The following OTC variants were observed in gnomAD, a reference collection of about 807,000 sequenced individuals.
The protein encoded by OTC is ornithine transcarbamylase.
In OTC, 3 loss-of-function variants were observed where a neutral mutation model predicts 30.3. That is an observed-to-expected ratio of 0.10 (90% CI 0.05 to 0.26). The LOEUF is 0.26. Ranked by LOEUF, OTC falls within the 10% of genes least tolerant of loss-of-function variation. The pLI is 1.00. For synonymous variants in OTC, 111 were observed against 99.7 expected (o/e 1.11, Z -0.67); for missense variants, 194 against 260.3 (o/e 0.75, Z 1.75).
chrX:38,371,620 G>T (rs926647124), intron 3 of OTC, among the ~76,000 whole-genome samples: 2 of 111,987 alleles, frequency 1.8e-5, no homozygotes, highest in Non-Finnish European at 3.8e-5. Flanking sequence ...GGGGGATTAA[G>T]CGACTTGCCA....
At chrX:38,420,245 A>G (rs1487733337) in intron 9 of OTC, among the ~76,000 whole-genome samples, 1 of 111,368 alleles carries the variant, frequency 9.0e-6, no homozygotes, top group East Asian at 2.8e-4. Flanking sequence ...CCTCAACTAT[A>G]AATGATAATA....
chrX:38,343,944 C>T, the OTC span, among the ~76,000 whole-genome samples: 1 of 111,406 alleles, frequency 9.0e-6, no homozygotes, highest in Non-Finnish European at 1.9e-5. Context: ...CCCTAGGGCC[C>T]ACCTGTTTGA....
chrX:38,391,586 A>G (rs1201553364), intron 4 of OTC, among the ~76,000 whole-genome samples: 1 of 111,436 alleles, frequency 9.0e-6, no homozygotes, highest in Non-Finnish European at 1.9e-5. Flanking sequence ...AACTCATTGG[A>G]TGCTAATACA....
At chrX:38,338,193 A>G in the OTC span, among the ~76,000 whole-genome samples, 1 of 112,239 alleles carries the variant, frequency 8.9e-6, no homozygotes, top group Non-Finnish European at 1.9e-5. Flanking sequence ...CAAAGTCTGA[A>G]TTTATCTTTG....
At chrX:38,365,014 G>A (rs1481461420) in intron 1 of OTC, among the ~76,000 whole-genome samples, 2 of 112,277 alleles carry the variant, frequency 1.8e-5, no homozygotes, top group African/African-American at 3.2e-5. Flanking sequence ...CTGACATCAT[G>A]CAGTGGAAAC....
At chrX:38,336,128 C>T in the OTC span, among the ~76,000 whole-genome samples, 3 of 111,217 alleles carry the variant, frequency 2.7e-5, no homozygotes, top group Admixed American at 2.9e-4. Flanking sequence ...AACCATGAGG[C>T]ATTGTGCAGA....
At chrX:38,421,646 C>T (rs2068596279), downstream of OTC, among the ~76,000 whole-genome samples, 1 of 111,520 alleles carries the variant, frequency 9.0e-6, no homozygotes, top group African/African-American at 3.3e-5. Flanking sequence ...TGCCCAAACT[C>T]CAAAGTTTTT....
At chrX:38,403,268 T>C (rs1046786648) in intron 5 of OTC, among the ~76,000 whole-genome samples, 27 of 112,099 alleles carry the variant, frequency 2.4e-4, no homozygotes, top group African/African-American at 8.1e-4. Context: ...CCTTTGTTTA[T>C]TGTATCTCCA....
intron 3 of OTC, among the ~76,000 whole-genome samples, chrX:38,375,682 TTGAGTTTG>T (rs1161607693): frequency 3.6e-5 from 4 of 111,398 alleles, no homozygotes; most frequent in Non-Finnish European, 5.7e-5. Flanking sequence ...CTTAGATATA[TTGAGTTTG>T]AAGTGTCTAT....
At chrX:38,399,617 C>T (rs752085596) in intron 4 of OTC, among the ~76,000 whole-genome samples, 4 of 110,185 alleles carry the variant, frequency 3.6e-5, no homozygotes, top group Admixed American at 1.9e-4. Context: ...GGTGTGGTGG[C>T]GAGCCTGTAA....
At chrX:38,354,300 C>T (rs1325080872) in intron 1 of OTC, among the ~76,000 whole-genome samples, 1 of 111,623 alleles carries the variant, frequency 9.0e-6, no homozygotes, top group Non-Finnish European at 1.9e-5. Context: ...GACCAATGTT[C>T]ATTATTTATT....
intron 2 of OTC, among the ~76,000 whole-genome samples, chrX:38,368,134 G>A (rs1252953236): frequency 9.0e-6 from 1 of 111,227 alleles, no homozygotes; most frequent in African/African-American, 3.3e-5. Flanking sequence ...GGCCAGGCAG[G>A]CAAATCACCT....
intron 2 of OTC, among the ~76,000 whole-genome samples, chrX:38,368,274 T>G (rs1423307698): frequency 9.0e-6 from 1 of 111,219 alleles, no homozygotes. Flanking sequence ...GCAGGAGAAT[T>G]GCTTGAACCC....
chrX:38,367,434 G>A lies in OTC; in HGVS notation c.216+5G>A. On this transcript the variant is annotated splice_donor_5th_base_variant and intron_variant, in intron 2 of 9. Transcript: ENST00000039007. ...AGGATAAAACAGAAAGGAGAGGTAT[G>A]TAACATTTTCTTTTTACGTTCCATT... is the stretch of plus-strand genomic sequence containing the variant. 1 of 1,199,289 alleles carries A rather than the reference G, an allele frequency of 8.3e-7. No individual in the cohort carries two copies. The highest frequency in any genetic ancestry group is 1.1e-6 in the Non-Finnish European group (1 of 885,303).
upstream of OTC, among the ~76,000 whole-genome samples, chrX:38,347,616 G>A (rs1345207634): frequency 8.9e-6 from 1 of 112,440 alleles, no homozygotes; most frequent in Non-Finnish European, 1.9e-5. Context: ...TCGCACTGCA[G>A]TAATCGCCAT....
intron 4 of OTC, among the ~76,000 whole-genome samples, chrX:38,382,639 T>C (rs1415871653): frequency 8.9e-6 from 1 of 112,566 alleles, no homozygotes; most frequent in African/African-American, 3.2e-5. Context: ...AATCTGCCTC[T>C]GACTTGGATT....
At chrX:38,349,296 G>A (rs180729249), upstream of OTC, among the ~76,000 whole-genome samples, 1 of 112,161 alleles carries the variant, frequency 8.9e-6, no homozygotes, top group Admixed American at 9.4e-5. Flanking sequence ...ACCTTTTGGG[G>A]AGCATGTAGA....
intron 9 of OTC, among the ~76,000 whole-genome samples, chrX:38,418,164 T>A (rs1030841172): frequency 8.9e-6 from 1 of 111,789 alleles, no homozygotes; most frequent in East Asian, 2.8e-4. Flanking sequence ...TTCATTTTTT[T>A]AAAAATAAAA....
chrX:38,416,997 T>C (rs2068573315), intron 9 of OTC, among the ~76,000 whole-genome samples: 1 of 112,243 alleles, frequency 8.9e-6, no homozygotes, highest in Admixed American at 9.4e-5. Flanking sequence ...TAAATGTTAC[T>C]GTTGAGCAAG....
Sources: allele counts gnomAD v4.1 joint callset (sites outside exome capture counted in the v4.1 genomes callset), GRCh38; gene constraint gnomAD v4.1.1; transcripts MANE v1.5; gene names NCBI Gene and HGNC (gene_info 2026-07-23, HGNC 2026-07-21).